Variants in ADGRL1 observed in about 807,000 individuals in gnomAD.
The protein encoded by ADGRL1 is CIRL-1.
A neutral mutation model predicts 148.9 loss-of-function variants in ADGRL1; 31 were observed. The ratio of observed to expected loss-of-function variants is 0.21; its 90% CI spans 0.16 to 0.28. The LOEUF (loss-of-function observed/expected upper bound fraction) is 0.28. Among genes scored for constraint, ADGRL1 ranks in the 10% least tolerant of loss-of-function variants. The probability of loss-of-function intolerance (pLI) is 1.00; values close to 1 mark genes in which losing one functional copy is unlikely to be tolerated. For missense variants in ADGRL1, 1,521 were observed against 2,058.8 expected (o/e 0.74, Z 5.05); for synonymous variants, 937 against 900.3 (o/e 1.04, Z -0.73).
At chr19:14,205,193 C>T (rs1454504988) in intron 1 of ADGRL1, among the ~76,000 whole-genome samples, 1 of 152,070 alleles carries the variant, frequency 6.6e-6, no homozygotes, top group Non-Finnish European at 1.5e-5. Flanking sequence ...GGTCCCAGGA[C>T]CGTCAGATGG....
intron 2 of ADGRL1, among the ~76,000 whole-genome samples, chr19:14,182,194 A>T (rs1971245536): frequency 6.6e-6 from 1 of 152,182 alleles, no homozygotes; most frequent in South Asian, 2.1e-4. Flanking sequence ...TGATGGCTCC[A>T]GGGTGTTAAT....
rs984649434 is a variant in ADGRL1 at position 14,156,041 on chromosome 19, G to A, written c.3125+69C>T. On this transcript the variant is annotated intron_variant, in intron 17 of 22. Coordinates refer to ENST00000361434, the MANE Select transcript of ADGRL1 (RefSeq NM_014921.5). ...ACAGCACTACCTTTTAGGACACCCT[G>A]GAAGAGGTGGGCCCAGCGTGGGGCG... 23 of 1,231,674 alleles carry A rather than the reference G, an allele frequency of 1.9e-5. 1 individual carries two copies. The South Asian group carries it at 2.8e-4, about 15-fold the overall frequency. The allele number at this position is 1,231,674 out of a possible 1,614,324, so 76.3% of individuals were successfully genotyped here.
rs565390416 is a variant in ADGRL1, at chr19:14,149,286, C to T, written c.*1587G>A. On this transcript the variant is annotated 3_prime_UTR_variant, in exon 23 of 23. Transcript: ENST00000361434. ...TCCCGACCCCAGCCCTGGCACCTGG[C>T]TTCGTCTTCCCTGCGGGAAGGTGGA... 8 of 152,424 alleles carry T rather than the reference C, an allele frequency of 5.2e-5. No homozygotes were observed. Among genetic ancestry groups the T allele is most frequent in the Non-Finnish European group, 8.8e-5 (6 of 68,110 alleles). The allele number at this position is 152,424 out of a possible 1,614,324, so 9.4% of individuals were successfully genotyped here. A position where few individuals can be genotyped will look rare whatever the true frequency, so the allele number is the denominator to read the frequency against.
At chr19:14,182,311 G>C (rs1431032638) in intron 2 of ADGRL1, among the ~76,000 whole-genome samples, 1 of 152,236 alleles carries the variant, frequency 6.6e-6, no homozygotes, top group Non-Finnish European at 1.5e-5. Flanking sequence ...GTCCATGCTG[G>C]CCGGGGCAGC....
In ADGRL1 at chr19:14,157,920, G is replaced by A. The variant is rs1464119601; in HGVS notation, c.2497C>T (p.Leu833Phe). The A allele has an allele frequency of 6.2e-7, 1 of 1,614,198 alleles. No homozygotes were observed. The highest frequency in any genetic ancestry group is 8.5e-7 in the Non-Finnish European group (1 of 1,180,028). ...KTHTTCACSH[L>F]TNFAVLMAHR... ...GCCATGAGCACAGCGAAGTTGGTGAGGTGGCTGCAGGCACACGTGGTATGG... is the reference window on the plus strand; with the variant it reads ...GCCATGAGCACAGCGAAGTTGGTGAAGTGGCTGCAGGCACACGTGGTATGG... The change falls in exon 13 of 23, where the codon CTC (leucine) becomes TTC (phenylalanine). Residue 833 changes from leucine (L) to phenylalanine (F), a missense_variant. By Grantham distance (22) the Leu-to-Phe change is conservative (BLOSUM62 0). Coordinates refer to ENST00000361434, the MANE Select transcript of ADGRL1 (RefSeq NM_014921.5). This position sits in a 1 kb window ranked among gnomAD's most constrained non-coding sequence, Gnocchi z 7.5.
chr19:14,167,595 C>G (rs1465846986), intron 4 of ADGRL1, among the ~76,000 whole-genome samples: 2 of 152,128 alleles, frequency 1.3e-5, no homozygotes, highest in East Asian at 3.8e-4. Flanking sequence ...GAACTCCTTC[C>G]CCTTTATGCT....
rs748336227 is a variant in ADGRL1, at chr19:14,159,788, A to G, written c.1801-15T>C. 3 of 1,612,014 alleles carry G rather than the reference A, an allele frequency of 1.9e-6. No individual in the cohort carries two copies. Among genetic ancestry groups the G allele is most frequent in the Admixed American group, 1.7e-5 (1 of 60,018 alleles). On this transcript the variant is annotated splice_polypyrimidine_tract_variant and intron_variant, in intron 8 of 22. Coordinates refer to ENST00000361434, the MANE Select transcript of ADGRL1 (RefSeq NM_014921.5). This position sits in a 1 kb window ranked among gnomAD's most constrained non-coding sequence, Gnocchi z 6.0. ...CGCTTGTGCATCTAGAAAGAGATGG[A>G]GGTGATGTCAGGCCAGGCCTCTGGG...
chr19:14,177,389 T>C, intron 3 of ADGRL1, 142 bp downstream of exon 3: 1 of 760,082 alleles, frequency 1.3e-6, no homozygotes, highest in Non-Finnish European at 2.2e-6. Flanking sequence ...CTCGTCTGCA[T>C]GGGGCCCAGC....
intron 18 of ADGRL1, among the ~76,000 whole-genome samples, chr19:14,154,880 G>A (rs1968565487): frequency 6.6e-6 from 1 of 152,166 alleles, no homozygotes; most frequent in African/African-American, 2.4e-5. Flanking sequence ...GCCTCCTAAA[G>A]TGCTGGGATT....
chr19:14,189,978 G>A (rs547995091), intron 1 of ADGRL1, among the ~76,000 whole-genome samples: 5 of 152,302 alleles, frequency 3.3e-5, no homozygotes, highest in Admixed American at 1.3e-4. Flanking sequence ...ACCCATGCTG[G>A]AGTGCAGTGG....
intron 18 of ADGRL1, among the ~76,000 whole-genome samples, chr19:14,153,839 T>C (rs1360501862): frequency 2.0e-5 from 3 of 151,400 alleles, no homozygotes; most frequent in Non-Finnish European, 2.9e-5. Flanking sequence ...TAATCCCAGC[T>C]AGTTGGCAGG....
intron 1 of ADGRL1, among the ~76,000 whole-genome samples, chr19:14,191,696 C>CA (rs1971951115): frequency 6.9e-6 from 1 of 143,966 alleles, no homozygotes; most frequent in African/African-American, 2.5e-5. Context: ...CTGTCTCTCT[C>CA]TTTTTTTTTT....
chr19:14,163,499 G>T (rs935170650), intron 4 of ADGRL1, 93 bp from the exon 5 acceptor site: 19 of 740,210 alleles, frequency 2.6e-5, no homozygotes, highest in Non-Finnish European at 3.2e-5. Flanking sequence ...AGAGAGAGAG[G>T]GGGGAGAGAG....
At chr19:14,166,477 A>C (rs1445777937) in intron 4 of ADGRL1, among the ~76,000 whole-genome samples, 1 of 152,006 alleles carries the variant, frequency 6.6e-6, no homozygotes, top group Non-Finnish European at 1.5e-5. Flanking sequence ...AAAGGAAAAC[A>C]ATGGTGTCCC....
At chr19:14,184,673 T>C (rs1057121618) in intron 1 of ADGRL1, among the ~76,000 whole-genome samples, 7 of 150,126 alleles carry the variant, frequency 4.7e-5, no homozygotes, top group African/African-American at 2.5e-5. Context: ...GGAGTCGTGC[T>C]CTGTCCCCCA....
intron 11 of ADGRL1, 85 bp from the exon 12 acceptor site, chr19:14,158,637 G>C (rs995699326): frequency 8.6e-7 from 1 of 1,158,398 alleles, no homozygotes; most frequent in African/African-American, 1.5e-5. Flanking sequence ...AGCTCAGCCA[G>C]CTCCTCAGCC....
In ADGRL1 at chr19:14,151,055, C is replaced by T. The variant is rs1268470454; in HGVS notation, c.4228G>A (p.Ala1410Thr). The change falls in exon 23 of 23, where the codon GCA becomes ACA. Residue 1410 changes from alanine (A) to threonine (T), a missense_variant. Transcript: ENST00000361434. ...PSEALPPPPPAPPGPPEIYYT... is the reference protein window; with the variant it reads ...PSEALPPPPPTPPGPPEIYYT... ...TAGATTTCGGGGGGGCCGGGGGGTG[C>T]GGGAGGGGGTGGGGGCAGGGCCTCA... is the stretch of plus-strand genomic sequence containing the variant. 6.5e-5 allele frequency: 16 copies of T among 247,170 alleles called. No homozygotes were observed. In the African/African-American group the frequency reaches 6.7e-4, roughly 10 times the overall value. 15.3% of individuals were successfully genotyped at this position (247,170 alleles called of 1,614,324 possible). A position where few individuals can be genotyped will look rare whatever the true frequency, so the allele number is the denominator to read the frequency against.
chr19:14,204,704 C>CAG (rs1568248291), intron 1 of ADGRL1, among the ~76,000 whole-genome samples: 7 of 107,628 alleles, frequency 6.5e-5, no homozygotes, highest in South Asian at 3.3e-4. Flanking sequence ...TAGAGAAAGA[C>CAG]AGAGAGAGTG....
rs763900818 is a variant in ADGRL1 at position 14,159,724 on chromosome 19, C to G, written c.1839+11G>C. 1 of 1,613,058 alleles carries G rather than the reference C, an allele frequency of 6.2e-7. No homozygotes were observed. Among genetic ancestry groups the G allele is most frequent in the Non-Finnish European group, 8.5e-7 (1 of 1,179,114 alleles). On this transcript the variant is annotated intron_variant, in intron 9 of 22. Coordinates refer to ENST00000361434, the MANE Select transcript of ADGRL1 (RefSeq NM_014921.5). The surrounding 1 kb of genome is among the most constrained non-coding windows in gnomAD (Gnocchi z 6.0). Reference sequence around the variant, plus strand: ...CCCACGGTCCTTACACTGGGACCCCCTGGGTCTCACCTTGATATAATCCTT... The same window carrying G: ...CCCACGGTCCTTACACTGGGACCCCGTGGGTCTCACCTTGATATAATCCTT...
Sources: gnomAD v4.1 joint callset for allele counts (sites outside exome capture counted in the v4.1 genomes callset) on GRCh38, gnomAD v4.1.1 for gene constraint, Gnocchi (gnomAD v3.1) non-coding constraint, MANE v1.5 for transcripts, NCBI Gene and HGNC (gene_info 2026-07-23, HGNC 2026-07-21) for gene names.